Variants in C10orf90 observed in about 807,000 individuals in gnomAD.
C10orf90 encodes the protein chromosome 10 open reading frame 90, also known as (E2-independent) E3 ubiquitin-conjugating enzyme FATS.
Under a neutral mutation model 62.5 loss-of-function variants are expected in C10orf90, and 56 were observed. That is an observed-to-expected ratio of 0.90 (90% CI 0.72 to 1.12). The LOEUF is 1.12. C10orf90 is among the 50% of genes most tolerant of loss of function. C10orf90 has a pLI of 0.00. For synonymous variants in C10orf90, 386 were observed against 340.4 expected (o/e 1.13, Z -1.47); for missense variants, 970 against 880.4 (o/e 1.10, Z -1.29).
chr10:126,433,650 A>G (rs1366381724), intron 7 of C10orf90, among the ~76,000 whole-genome samples: 5 of 152,176 alleles, frequency 3.3e-5, no homozygotes, highest in Admixed American at 6.5e-5. Flanking sequence ...GGATATGTAC[A>G]GCATGACCCA....
chr10:126,569,346 C>T (rs532638728), intron 2 of C10orf90, among the ~76,000 whole-genome samples: 1 of 152,256 alleles, frequency 6.6e-6, no homozygotes, highest in African/African-American at 2.4e-5. Flanking sequence ...AGCACAGATC[C>T]TTACAATAAA....
intron 2 of C10orf90, among the ~76,000 whole-genome samples, chr10:126,599,348 G>A (rs1348204662): frequency 6.6e-6 from 1 of 151,312 alleles, no homozygotes; most frequent in African/African-American, 2.4e-5. Flanking sequence ...ACTGCGCCCG[G>A]CTAATTTTTT....
intron 2 of C10orf90, among the ~76,000 whole-genome samples, chr10:126,581,179 A>G (rs996248514): frequency 6.6e-6 from 1 of 152,182 alleles, no homozygotes; most frequent in African/African-American, 2.4e-5. Flanking sequence ...CCTCCGTCTC[A>G]TGTAGCCTCT....
intron 1 of C10orf90, among the ~76,000 whole-genome samples, chr10:126,658,207 G>T (rs1260962531): frequency 6.6e-6 from 1 of 152,222 alleles, no homozygotes; most frequent in Non-Finnish European, 1.5e-5. Context: ...AGAAGGCAGT[G>T]ATGTTCTGAA....
At chr10:126,593,288 A>C (rs1229265450) in intron 2 of C10orf90, among the ~76,000 whole-genome samples, 1 of 152,242 alleles carries the variant, frequency 6.6e-6, no homozygotes, top group Non-Finnish European at 1.5e-5. Flanking sequence ...ATTCAATCCA[A>C]ATACCCATCA....
intron 1 of C10orf90, among the ~76,000 whole-genome samples, chr10:126,649,054 CTCTCTCTCTCTCTCTCT>C (rs1469072915): frequency 5.3e-5 from 3 of 56,872 alleles, no homozygotes; most frequent in African/African-American, 1.4e-4. Context: ...CTCTCTCTCT[CTCTCTCTCTCTCTCTCT>C]CCCCCCCCCC....
At chr10:126,603,954 G>A (rs562771402) in intron 2 of C10orf90, among the ~76,000 whole-genome samples, 9 of 152,318 alleles carry the variant, frequency 5.9e-5, no homozygotes, top group African/African-American at 2.2e-4. Context: ...TCGACTCAAA[G>A]GTTGCAAAGA....
chr10:126,577,621 A>G (rs1844654008), intron 2 of C10orf90, among the ~76,000 whole-genome samples: 1 of 152,138 alleles, frequency 6.6e-6, no homozygotes, highest in Non-Finnish European at 1.5e-5. Context: ...TAAATTCAAC[A>G]GTATTCCAGC....
At chr10:126,469,760 T>C (rs1860466146) in intron 4 of C10orf90, 1 of 405,468 alleles carries the variant, frequency 2.5e-6, no homozygotes, top group Admixed American at 2.8e-5. Flanking sequence ...ACCTGGGTTC[T>C]CTTCCAGCAA....
chr10:126,556,376 G>A (rs932733244), intron 2 of C10orf90, among the ~76,000 whole-genome samples: 1 of 152,178 alleles, frequency 6.6e-6, no homozygotes, highest in Admixed American at 6.5e-5. Context: ...AACACGGGCA[G>A]TTTCTCCCTG....
intron 2 of C10orf90, among the ~76,000 whole-genome samples, chr10:126,572,803 A>C (rs1287940687): frequency 6.6e-6 from 1 of 152,056 alleles, no homozygotes; most frequent in Admixed American, 6.5e-5. Context: ...TATGGTTCAC[A>C]TGCCTCTGAC....
chr10:126,610,171 C>T (rs922825525), intron 2 of C10orf90, among the ~76,000 whole-genome samples: 1 of 152,204 alleles, frequency 6.6e-6, no homozygotes, highest in African/African-American at 2.4e-5. Flanking sequence ...CACAGGGCTC[C>T]CTGGCCTCTG....
rs376853143 is a variant in C10orf90, at chr10:126,470,073, G to T, written c.1535-5087C>A. On this transcript the variant is annotated intron_variant, in intron 4 of 9. Transcript: ENST00000488181. ...AGAGAAGGAGGGAAGGTGTTCTTCT[G>T]CATGTTGCATACTGCAGGGGGGAAG... The T allele has an allele frequency of 1.8e-5, 8 of 454,716 alleles. No homozygotes were observed. In the East Asian group the frequency reaches 4.2e-4, roughly 24 times the overall value. The allele number at this position is 454,716 out of a possible 1,614,324, so 28.2% of individuals were successfully genotyped here. A position where few individuals can be genotyped will look rare whatever the true frequency, so the allele number is the denominator to read the frequency against.
Position 126,504,789 on chromosome 10 carries a change from A to G in C10orf90, c.702T>C (p.Phe234=), listed in dbSNP as rs1862621621. 1 of 1,586,152 alleles carries G rather than the reference A, an allele frequency of 6.3e-7. No individual in the cohort carries two copies. Among genetic ancestry groups the G allele is most frequent in the Non-Finnish European group, 8.6e-7 (1 of 1,165,788 alleles). Reference sequence around the variant, plus strand: ...GTCTGGCCGTGATGGTGATGGATGCAAACCCTCTGCGGGGGCCCCCACAGG... The same window carrying G: ...GTCTGGCCGTGATGGTGATGGATGCGAACCCTCTGCGGGGGCCCCCACAGG... ...ERPCGGPRRG[F]ASITITARRV... Residue 234 remains phenylalanine, a synonymous_variant, in exon 4 of 10, where the codon TTT becomes TTC. Transcript: ENST00000488181. The surrounding 1 kb of genome is among the most constrained non-coding windows in gnomAD (Gnocchi z 4.1).
chr10:126,642,198 C>T (rs1323537577), intron 2 of C10orf90, among the ~76,000 whole-genome samples: 3 of 152,132 alleles, frequency 2.0e-5, no homozygotes, highest in African/African-American at 7.2e-5. Context: ...AGATGAATCG[C>T]TAATTGATGG....
At chr10:126,485,661 C>A (rs1237306375) in intron 4 of C10orf90, among the ~76,000 whole-genome samples, 1 of 151,908 alleles carries the variant, frequency 6.6e-6, no homozygotes, top group Non-Finnish European at 1.5e-5. Flanking sequence ...TTGGAAATGG[C>A]CGGGCGTGGT....
chr10:126,660,369 C>G (rs894175463), intron 1 of C10orf90, among the ~76,000 whole-genome samples: 2 of 152,218 alleles, frequency 1.3e-5, no homozygotes, highest in African/African-American at 4.8e-5. Flanking sequence ...CAGAGAGATT[C>G]AAAGTAGCAG....
At chr10:126,606,728 T>G (rs1248482652) in intron 2 of C10orf90, among the ~76,000 whole-genome samples, 2 of 152,236 alleles carry the variant, frequency 1.3e-5, no homozygotes, top group Non-Finnish European at 2.9e-5. Flanking sequence ...GTTTGGCTCC[T>G]GATTGAATGA....
intron 6 of C10orf90, among the ~76,000 whole-genome samples, chr10:126,460,966 C>A (rs573548674): frequency 1.3e-5 from 2 of 152,270 alleles, no homozygotes; most frequent in East Asian, 3.9e-4. Context: ...CTAAAACTTT[C>A]CTATCCCTCC....
Sources: allele counts gnomAD v4.1 joint callset (sites outside exome capture counted in the v4.1 genomes callset), GRCh38; gene constraint gnomAD v4.1.1; non-coding constraint Gnocchi (gnomAD v3.1); transcripts MANE v1.5; gene names NCBI Gene and HGNC (gene_info 2026-07-23, HGNC 2026-07-21).